Variants in DGKB observed in about 807,000 individuals in gnomAD.
DGKB encodes diacylglycerol kinase beta, also known as 90 kDa diacylglycerol kinase.
In DGKB, 67 loss-of-function variants were observed where a neutral mutation model predicts 114.3. The ratio of observed to expected loss-of-function variants is 0.59; its 90% confidence interval spans 0.48 to 0.72. The LOEUF (loss-of-function observed/expected upper bound fraction) is 0.72. DGKB is among the 30% of genes least tolerant of loss of function. The pLI, the probability that DGKB is intolerant of heterozygous loss-of-function variation, is 0.00. For missense variants in DGKB, 907 were observed against 975.2 expected (o/e 0.93, Z 0.93); for synonymous variants, 398 against 323.1 (o/e 1.23, Z -2.49).
chr7:14,239,432 G>C (rs1156703714), intron 23 of DGKB, among the ~76,000 whole-genome samples: 3 of 151,910 alleles, frequency 2.0e-5, no homozygotes, highest in Admixed American at 6.6e-5. Context: ...TCACATGGCA[G>C]TCTGCCTTGT....
intron 23 of DGKB, among the ~76,000 whole-genome samples, chr7:14,287,756 A>G (rs1042782538): frequency 7.9e-5 from 12 of 152,196 alleles, no homozygotes; most frequent in African/African-American, 2.9e-4. Flanking sequence ...TGGGTCCTGA[A>G]ATGGAGCTTT....
At chr7:14,870,042 G>A (rs1277716620) in intron 1 of DGKB, among the ~76,000 whole-genome samples, 1 of 152,036 alleles carries the variant, frequency 6.6e-6, no homozygotes, top group East Asian at 1.9e-4. Flanking sequence ...ACCCAGAGTT[G>A]CATCTTGGGT....
chr7:14,422,860 T>C (rs1056662553), intron 21 of DGKB, among the ~76,000 whole-genome samples: 5 of 151,988 alleles, frequency 3.3e-5, no homozygotes, highest in Non-Finnish European at 4.4e-5. Context: ...AACATTCTTT[T>C]TGAGTACTTT....
chr7:14,556,203 G>C (rs531862000), intron 20 of DGKB, among the ~76,000 whole-genome samples: 1 of 151,814 alleles, frequency 6.6e-6, no homozygotes, highest in Non-Finnish European at 1.5e-5. Flanking sequence ...TATGCTGAGT[G>C]GTTTTTTAAC....
intron 8 of DGKB, among the ~76,000 whole-genome samples, chr7:14,695,667 T>G (rs1244978804): frequency 1.3e-5 from 2 of 151,744 alleles, no homozygotes; most frequent in Non-Finnish European, 2.9e-5. Flanking sequence ...GCCCGGCTGA[T>G]TTTTTTTGTG....
intron 1 of DGKB, among the ~76,000 whole-genome samples, chr7:14,949,806 C>G (rs368831706): frequency 5.9e-5 from 9 of 152,064 alleles, no homozygotes; most frequent in African/African-American, 2.2e-4. Context: ...TTCATAGGGA[C>G]ATGGATGAAG....
At chr7:14,855,983 A>ATG (rs1350373984) in intron 1 of DGKB, among the ~76,000 whole-genome samples, 2 of 72,116 alleles carry the variant, frequency 2.8e-5, no homozygotes, top group Admixed American at 3.5e-4. Flanking sequence ...AATTTAGATA[A>ATG]TGTGTATATA....
intron 1 of DGKB, among the ~76,000 whole-genome samples, chr7:14,927,688 C>A (rs1784817565): frequency 6.6e-6 from 1 of 151,938 alleles, no homozygotes; most frequent in Non-Finnish European, 1.5e-5. Flanking sequence ...ACCATTTCCT[C>A]ATTTTCTCCT....
chr7:14,775,932 G>T (rs1024579161), intron 2 of DGKB, among the ~76,000 whole-genome samples: 1 of 152,108 alleles, frequency 6.6e-6, no homozygotes, highest in Non-Finnish European at 1.5e-5. Flanking sequence ...GAAGAATTTG[G>T]AGGGCTCAGA....
Position 14,517,343 on chromosome 7 carries a change from C to T in DGKB, c.1771-39118G>A, listed in dbSNP as rs192947526. On this transcript the variant is annotated intron_variant, in intron 20 of 25. Transcript: ENST00000402815. ...AAAGACTTAAATGCAAAACCTAAAA[C>T]TATAAAAACCATGGAAGACAGCCTA... Among the ~76,000 whole-genome samples the T allele has an allele frequency of 2.3e-3, 353 of 151,968 alleles. 1 individual carries two copies. The highest frequency in any genetic ancestry group is 8.1e-3 in the African/African-American group (337 of 41,458).
intron 21 of DGKB, among the ~76,000 whole-genome samples, chr7:14,393,857 T>G (rs1384999250): frequency 2.0e-5 from 3 of 152,174 alleles, no homozygotes; most frequent in Non-Finnish European, 4.4e-5. Flanking sequence ...TGAACTGATG[T>G]TACATATAAC....
chr7:14,831,473 A>T (rs1464899532), intron 2 of DGKB, among the ~76,000 whole-genome samples: 1 of 152,004 alleles, frequency 6.6e-6, no homozygotes, highest in East Asian at 1.9e-4. Flanking sequence ...CAAAAAGAAG[A>T]TGTGTTTGTT....
At chr7:14,347,451 C>G (rs933472836) in intron 21 of DGKB, among the ~76,000 whole-genome samples, 8 of 151,820 alleles carry the variant, frequency 5.3e-5, no homozygotes, top group Non-Finnish European at 1.5e-5. Flanking sequence ...ATATATACCC[C>G]AAAGAAATGA....
At chr7:14,295,611 T>G (rs1249443195) in intron 23 of DGKB, among the ~76,000 whole-genome samples, 67 of 152,218 alleles carry the variant, frequency 4.4e-4, no homozygotes, top group African/African-American at 1.6e-3. Flanking sequence ...TTATTTTCAA[T>G]ACAACTATCT....
At chr7:14,941,840 C>G (rs1562891629) in intron 1 of DGKB, among the ~76,000 whole-genome samples, 1 of 151,906 alleles carries the variant, frequency 6.6e-6, no homozygotes. Flanking sequence ...TGATTAGAAG[C>G]AAAACAGGCA....
chr7:14,824,528 A>G (rs1845390494), intron 2 of DGKB, among the ~76,000 whole-genome samples: 1 of 152,086 alleles, frequency 6.6e-6, no homozygotes, highest in Admixed American at 6.6e-5. Context: ...TTTATTCCTA[A>G]TCAGCATTCA....
Position 14,663,630 on chromosome 7 carries a change from C to CTTCCTCCT in DGKB, c.1134+9298_1134+9299insAGGAGGAA, listed in dbSNP as rs1383306519. Among the ~76,000 whole-genome samples the CTTCCTCCT allele has an allele frequency of 1.8e-3, 256 of 145,238 alleles. 1 individual carries two copies. Among genetic ancestry groups the CTTCCTCCT allele is most frequent in the Non-Finnish European group, 2.9e-3 (191 of 65,386 alleles). On this transcript the variant is annotated intron_variant, in intron 13 of 25. Coordinates refer to ENST00000402815, the MANE Select transcript of DGKB (RefSeq NM_001350709.2). ...TTCTTTTCCCTTCCTCCCTTCCTCCCTTCCTCCCTTCCTTCCTTCCCTCCT... is the reference window on the plus strand; with the variant it reads ...TTCTTTTCCCTTCCTCCCTTCCTCCCTTCCTCCTTTCCTCCCTTCCTTCCTTCCCTCCT...
intron 1 of DGKB, among the ~76,000 whole-genome samples, chr7:14,868,265 C>T (rs1284473059): frequency 6.6e-6 from 1 of 152,088 alleles, no homozygotes; most frequent in Non-Finnish European, 1.5e-5. Context: ...CCTTCTGTCA[C>T]TGCCCCCTAT....
At chr7:14,539,963 T>C (rs1274781616) in intron 20 of DGKB, among the ~76,000 whole-genome samples, 2 of 152,098 alleles carry the variant, frequency 1.3e-5, no homozygotes, top group Non-Finnish European at 2.9e-5. Flanking sequence ...TGAATTTTCA[T>C]GTGATATGCA....
Sources: gnomAD v4.1 joint callset for allele counts (sites outside exome capture counted in the v4.1 genomes callset) on GRCh38, gnomAD v4.1.1 for gene constraint, MANE v1.5 for transcripts, NCBI Gene and HGNC (gene_info 2026-07-23, HGNC 2026-07-21) for gene names.